Variants in FGF14 observed in about 807,000 individuals in gnomAD.
The protein encoded by FGF14 is fibroblast growth factor 14, also known as fibroblast growth factor homologous factor 4.
A neutral mutation model predicts 25.5 loss-of-function variants in FGF14; 5 were observed. The ratio of observed to expected loss-of-function variants is 0.20; its 90% CI spans 0.10 to 0.41. The LOEUF (loss-of-function observed/expected upper bound fraction) is 0.41, where lower values mean the gene tolerates loss of function less well. FGF14 is among the 10% of genes least tolerant of loss of function. FGF14 has a pLI of 1.00. For synonymous variants in FGF14, 138 were observed against 118.3 expected, an observed-to-expected ratio of 1.17 and a Z score of -1.08; for missense variants, 222 against 320.1, an observed-to-expected ratio of 0.69 and a Z score of 2.34.
chr13:101,939,872 T>C (rs1049499579), intron 1 of FGF14, among the ~76,000 whole-genome samples: 3 of 152,072 alleles, frequency 2.0e-5, no homozygotes, highest in African/African-American at 7.2e-5. Context: ...AGAAATAGCA[T>C]GAATGAAAGG....
chr13:101,855,582 C>A (rs1399877029), intron 3 of FGF14, among the ~76,000 whole-genome samples: 2 of 151,854 alleles, frequency 1.3e-5, no homozygotes, highest in African/African-American at 2.4e-5. Context: ...CCATATTCAA[C>A]AGTATTTCCT....
chr13:102,267,563 T>C (rs1318769590), intron 1 of FGF14, among the ~76,000 whole-genome samples: 2 of 152,182 alleles, frequency 1.3e-5, no homozygotes, highest in African/African-American at 4.8e-5. Context: ...GATATATGTA[T>C]CATATCTATG....
intron 1 of FGF14, among the ~76,000 whole-genome samples, chr13:102,038,126 G>C (rs1013820031): frequency 2.4e-4 from 36 of 152,108 alleles, no homozygotes; most frequent in African/African-American, 8.0e-4. Flanking sequence ...TGCATGAAAT[G>C]CTTTATTACC....
intron 1 of FGF14, among the ~76,000 whole-genome samples, chr13:102,388,501 C>A (rs1169399579): frequency 6.6e-6 from 1 of 152,170 alleles, no homozygotes; most frequent in East Asian, 1.9e-4. Context: ...ACAGTTGACT[C>A]CCATGTCTCT....
chr13:101,950,462 T>A (rs551714122), intron 1 of FGF14, among the ~76,000 whole-genome samples: 1 of 152,330 alleles, frequency 6.6e-6, no homozygotes, highest in South Asian at 2.1e-4. Flanking sequence ...ATAGAAAGCA[T>A]GCCTTTTACT....
In FGF14 at chr13:101,812,641, ATATATATATATATTTTTTTTTTTTTTT is replaced by A. The variant is rs1441491507; in HGVS notation, c.408+56057_408+56083del. On this transcript the variant is annotated intron_variant, in intron 3 of 4. Transcript: ENST00000376143. ...TATATATATATATATATATATATAT[ATATATATATATATTTTTTTTTTTTTTT>A]TTTTTTTTTTTTTTACGGAGTTTTG... 7.4e-4 allele frequency among the ~76,000 whole-genome samples: 8 copies of A among 10,856 alleles called. 1 individual carries two copies. Among genetic ancestry groups the A allele is most frequent in the South Asian group, 3.5e-3 (1 of 284 alleles). The allele number at this position is 10,856 out of a possible 152,430, so 7.1% of individuals were successfully genotyped here.
At chr13:101,961,788 G>A (rs1023285756) in intron 1 of FGF14, among the ~76,000 whole-genome samples, 1 of 152,088 alleles carries the variant, frequency 6.6e-6, no homozygotes, top group Non-Finnish European at 1.5e-5. Context: ...TTCCCCTTCT[G>A]GAATCATTAT....
chr13:102,297,785 A>G (rs2054804466), intron 1 of FGF14, among the ~76,000 whole-genome samples: 1 of 151,898 alleles, frequency 6.6e-6, no homozygotes, highest in Non-Finnish European at 1.5e-5. Flanking sequence ...AGTCCCAGCT[A>G]CTTGGGAAGC....
intron 3 of FGF14, among the ~76,000 whole-genome samples, chr13:101,849,756 T>C (rs2043652602): frequency 1.3e-5 from 2 of 152,082 alleles, no homozygotes; most frequent in Admixed American, 6.6e-5. Context: ...CCATGCCTGA[T>C]CCTGCATTGT....
At chr13:101,773,234 T>C (rs1281603614) in intron 3 of FGF14, among the ~76,000 whole-genome samples, 5 of 152,184 alleles carry the variant, frequency 3.3e-5, no homozygotes, top group African/African-American at 9.6e-5. Context: ...TATAAAACTT[T>C]TAATGCAGGG....
At chr13:101,869,651 T>C (rs930088698) in intron 2 of FGF14, among the ~76,000 whole-genome samples, 10 of 152,182 alleles carry the variant, frequency 6.6e-5, no homozygotes, top group African/African-American at 2.4e-4. Flanking sequence ...CTATTAATTA[T>C]TTACAGTGAG....
intron 1 of FGF14, among the ~76,000 whole-genome samples, chr13:102,051,614 T>C (rs986501203): frequency 1.3e-5 from 2 of 152,210 alleles, no homozygotes; most frequent in East Asian, 1.9e-4. Flanking sequence ...GATAGCACAG[T>C]GTTGGCTGCT....
intron 1 of FGF14, among the ~76,000 whole-genome samples, chr13:101,884,587 T>C (rs1210086629): frequency 1.3e-5 from 2 of 151,882 alleles, no homozygotes; most frequent in African/African-American, 4.8e-5. Flanking sequence ...TATGAATAAA[T>C]ACATCCAAAA....
At chr13:102,161,724 G>C (rs868868793) in intron 1 of FGF14, among the ~76,000 whole-genome samples, 3 of 149,600 alleles carry the variant, frequency 2.0e-5, no homozygotes, top group Admixed American at 2.0e-4. Context: ...AGAAGAAGAA[G>C]AATAGAAATG....
intron 3 of FGF14, among the ~76,000 whole-genome samples, chr13:101,800,241 T>C (rs777937247): frequency 1.3e-5 from 2 of 152,148 alleles, no homozygotes; most frequent in African/African-American, 4.8e-5. Flanking sequence ...TAGAACAGGG[T>C]AACCTCAAGT....
At chr13:101,974,287 T>C (rs2037792653) in intron 1 of FGF14, among the ~76,000 whole-genome samples, 1 of 152,206 alleles carries the variant, frequency 6.6e-6, no homozygotes, top group Admixed American at 6.5e-5. Context: ...ATTTTCTTCA[T>C]CTTTCAGATG....
chr13:102,163,329 T>C (rs1051528496), intron 1 of FGF14, among the ~76,000 whole-genome samples: 5 of 152,104 alleles, frequency 3.3e-5, no homozygotes, highest in Non-Finnish European at 7.4e-5. Flanking sequence ...TGTAATATGG[T>C]CTACCGGAAG....
At chr13:101,841,695 C>A (rs980621139) in intron 3 of FGF14, among the ~76,000 whole-genome samples, 14 of 151,918 alleles carry the variant, frequency 9.2e-5, no homozygotes, top group African/African-American at 3.4e-4. Flanking sequence ...ATAGTAGTTG[C>A]TTGGTGGCCA....
intron 1 of FGF14, among the ~76,000 whole-genome samples, chr13:101,938,398 T>G (rs758524052): frequency 6.6e-6 from 1 of 152,314 alleles, no homozygotes. Context: ...GTAGAGAATA[T>G]CTTCATGAAA....
Sources: gnomAD v4.1 joint callset for allele counts (sites outside exome capture counted in the v4.1 genomes callset) on GRCh38, gnomAD v4.1.1 for gene constraint, MANE v1.5 for transcripts, NCBI Gene and HGNC (gene_info 2026-07-23, HGNC 2026-07-21) for gene names.